Variants in ZNF177 observed in about 807,000 individuals in gnomAD.
The protein encoded by ZNF177 is zinc finger protein 177.
Under a neutral mutation model 19.4 loss-of-function variants are expected in ZNF177, and 17 were observed. That is an observed-to-expected ratio of 0.87 (90% CI 0.60 to 1.31). The LOEUF is 1.31. ZNF177 is among the 40% of genes most tolerant of loss of function. The pLI is 0.00. For missense variants in ZNF177, 633 were observed against 561.8 expected, an observed-to-expected ratio of 1.13 and a Z score of -1.28; for synonymous variants, 220 against 188.7, an observed-to-expected ratio of 1.17 and a Z score of -1.36.
chr19:9,379,739 C>A, intron 4 of ZNF177, 120 bp downstream of exon 6: 2 of 1,227,802 alleles, frequency 1.6e-6, no homozygotes, highest in Non-Finnish European at 2.2e-6. Context: ...CCTGTTTCAC[C>A]ATCTATTCAA....
rs1478210876 is a variant in ZNF177, at chr19:9,380,569, G to A, written c.337-99G>A. ...TGGTACACATGTCAGTCATGATCAT[G>A]TGCTTCCTATATATGGCAGAATCCT... On this transcript the variant is annotated intron_variant, in intron 5 of 5. Coordinates refer to ENST00000589262, the Ensembl canonical transcript of ZNF177. The A allele has an allele frequency of 7.2e-6, 11 of 1,534,912 alleles. No individual in the cohort carries two copies. The Admixed American group carries it at 2.2e-4, about 30-fold the overall frequency.
At chr19:9,378,333 A>G (rs747507160) in exon 2 of ZNF177, 39 of 1,613,546 alleles carry the variant, frequency 2.4e-5, no homozygotes, top group South Asian at 1.3e-4. Flanking sequence ...GTGGCTGACA[A>G]CCTGGTCACA....
exon 5 of ZNF177, chr19:9,380,137 A>G: frequency 1.2e-5 from 20 of 1,607,218 alleles, no homozygotes; most frequent in Non-Finnish European, 1.7e-5. Flanking sequence ...TGGCATAAAC[A>G]CGGTAAGACT....
At chr19:9,369,918 T>C (rs557779803) in intron 2 of ZNF177, among the ~76,000 whole-genome samples, 1 of 152,288 alleles carries the variant, frequency 6.6e-6, no homozygotes, top group Non-Finnish European at 1.5e-5. Flanking sequence ...ATTGAGCTTA[T>C]TTTTCCATGT....
At chr19:9,382,098 GAC>G (rs1279247394) in exon 6 of ZNF177, 7 of 339,426 alleles carry the variant, frequency 2.1e-5, no homozygotes, top group Non-Finnish European at 3.3e-5. Flanking sequence ...GCTGGACACT[GAC>G]TGATGTACTG....
upstream of ZNF177, chr19:9,376,348 C>G (rs1350211719): frequency 6.6e-6 from 1 of 152,246 alleles, no homozygotes; most frequent in Non-Finnish European, 1.5e-5. Context: ...CTAGGCTGGT[C>G]TCAAACTCCT....
At chr19:9,373,210 T>C (rs1296792149), upstream of ZNF177, among the ~76,000 whole-genome samples, 3 of 152,206 alleles carry the variant, frequency 2.0e-5, no homozygotes, top group Non-Finnish European at 2.9e-5. Context: ...CTTTTCTAGA[T>C]TCCATGTAAG....
Position 9,379,582 on chromosome 19 carries a change from G to C in ZNF177, c.216G>C (p.Lys72Asn), listed in dbSNP as rs115384083. 3.8e-4 allele frequency: 610 copies of C among 1,613,962 alleles called. 3 individuals carry two copies. The African/African-American group carries it at 7.2e-3, about 19-fold the overall frequency. ...CCAAGGTGGATCAAGAACAGCTGAA[G>C]ACAGATGAAAGAGGAATTTTACAAG... The change falls in exon 4 of 6, where the codon AAG becomes AAC. Residue 72 changes from lysine (K) to asparagine (N), a missense_variant. Physicochemically the swap from Lys to Asn is moderately conservative, Grantham distance 94. Coordinates refer to ENST00000589262, the Ensembl canonical transcript of ZNF177.
upstream of ZNF177, among the ~76,000 whole-genome samples, chr19:9,374,106 C>G (rs1461599545): frequency 6.6e-6 from 1 of 152,074 alleles, no homozygotes. Context: ...TCTAATTTCA[C>G]TTTTTCACAT....
intron 2 of ZNF177, among the ~76,000 whole-genome samples, chr19:9,368,180 C>T (rs1425795684): frequency 6.6e-6 from 1 of 152,150 alleles, no homozygotes; most frequent in African/African-American, 2.4e-5. Context: ...ACCTTGCTGA[C>T]GGGATCAGTC....
intron 5 of ZNF177, 142 bp from the exon 8 acceptor site, chr19:9,380,526 A>G (rs1182630653): frequency 4.7e-6 from 7 of 1,505,370 alleles, no homozygotes; most frequent in South Asian, 2.4e-5. Context: ...GGCAAAAGTC[A>G]TACGCACCTA....
intron 5 of ZNF177, chr19:9,380,440 TAAAG>T: frequency 1.2e-6 from 1 of 845,070 alleles, no homozygotes; most frequent in Non-Finnish European, 1.8e-6. Context: ...AAAACTGTAT[TAAAG>T]AAGCCCTTTG....
At chr19:9,378,145 G>A in intron 1 of ZNF177, 114 bp from the exon 4 acceptor site, 1 of 928,926 alleles carries the variant, frequency 1.1e-6, no homozygotes, top group South Asian at 2.5e-5. Flanking sequence ...GAGGCAAATT[G>A]TAACTACACT....
upstream of ZNF177, among the ~76,000 whole-genome samples, chr19:9,375,997 G>A (rs2068104642): frequency 6.6e-6 from 1 of 152,086 alleles, no homozygotes; most frequent in South Asian, 2.1e-4. Context: ...CATTTACGTG[G>A]AATGTCTTTT....
upstream of ZNF177, among the ~76,000 whole-genome samples, chr19:9,374,890 A>G (rs1412210145): frequency 6.6e-6 from 1 of 152,122 alleles, no homozygotes; most frequent in East Asian, 1.9e-4. Context: ...GTTGAATAGA[A>G]GTGGTGAGGA....
chr19:9,367,203 C>T (rs969514698), intron 2 of ZNF177, among the ~76,000 whole-genome samples: 5 of 152,012 alleles, frequency 3.3e-5, no homozygotes, highest in Non-Finnish European at 4.4e-5. Flanking sequence ...GTCTGTAGTC[C>T]CAGCTACTTG....
chr19:9,372,826 C>T (rs899395676), upstream of ZNF177, among the ~76,000 whole-genome samples: 9 of 152,072 alleles, frequency 5.9e-5, no homozygotes, highest in Non-Finnish European at 1.0e-4. Flanking sequence ...AGATGACAGG[C>T]GTGAGCCACC....
At chr19:9,374,012 C>T (rs1336202030), upstream of ZNF177, among the ~76,000 whole-genome samples, 1 of 151,936 alleles carries the variant, frequency 6.6e-6, no homozygotes, top group African/African-American at 2.4e-5. Context: ...GAGCTTTTCC[C>T]CTGTTCTAGA....
chr19:9,372,999 A>T (rs1034759809), upstream of ZNF177, among the ~76,000 whole-genome samples: 1 of 152,208 alleles, frequency 6.6e-6, no homozygotes, highest in African/African-American at 2.4e-5. Context: ...TAACATATCC[A>T]TCCCCTCACT....
Sources: gnomAD v4.1 joint callset for allele counts (sites outside exome capture counted in the v4.1 genomes callset) on GRCh38, gnomAD v4.1.1 for gene constraint, MANE v1.5 for transcripts, NCBI Gene and HGNC (gene_info 2026-07-23, HGNC 2026-07-21) for gene names.